SMARCC1: variants seen among roughly 807,000 people sequenced by gnomAD.
SMARCC1 encodes the protein SWI/SNF related BAF chromatin remodeling complex subunit C1.
Under a neutral mutation model 147.4 loss-of-function variants are expected in SMARCC1, and 43 were observed. That is an observed-to-expected ratio of 0.29 (90% CI 0.23 to 0.38). The LOEUF (loss-of-function observed/expected upper bound fraction) is 0.38. Among genes scored for constraint, SMARCC1 ranks in the 10% least tolerant of loss-of-function variants. The pLI is 1.00. For synonymous variants in SMARCC1, 495 were observed against 484.4 expected (o/e 1.02, Z -0.29); for missense variants, 1,119 against 1,381.1 (o/e 0.81, Z 3.01).
At chr3:47,736,795 T>C (rs1415453133) in intron 4 of SMARCC1, among the ~76,000 whole-genome samples, 13 of 152,090 alleles carry the variant, frequency 8.5e-5, no homozygotes, top group Non-Finnish European at 1.9e-4. Flanking sequence ...AAACAAAACA[T>C]ATCCAATTGT....
chr3:47,705,076 C>A (rs2033975261), intron 10 of SMARCC1, among the ~76,000 whole-genome samples: 1 of 151,218 alleles, frequency 6.6e-6, no homozygotes, highest in Non-Finnish European at 1.5e-5. Context: ...GTAATCCCAG[C>A]ACTTTGGGAG....
At chr3:47,655,859 TAGAAA>T (rs1231298671) in intron 21 of SMARCC1, among the ~76,000 whole-genome samples, 2 of 152,058 alleles carry the variant, frequency 1.3e-5, no homozygotes, top group African/African-American at 2.4e-5. Flanking sequence ...TTCATAATGA[TAGAAA>T]AGAAAAATAT....
rs575368954 is a variant in SMARCC1, at chr3:47,733,821, G to C, written c.576+2213C>G. ...AGAGCTTGCAGTGAGCCAAGATCACGCCATGGCACTCCAGCCTGGGCGACA... is the reference window on the plus strand; with the variant it reads ...AGAGCTTGCAGTGAGCCAAGATCACCCCATGGCACTCCAGCCTGGGCGACA... On this transcript the variant is annotated intron_variant, in intron 5 of 27. Transcript: ENST00000254480. 1.1e-4 allele frequency among the ~76,000 whole-genome samples: 16 copies of C among 142,302 alleles called. No individual in the cohort carries two copies. In the South Asian group the frequency reaches 2.4e-3, roughly 22 times the overall value. 93.4% of individuals were successfully genotyped at this position (142,302 alleles called of 152,430 possible).
At chr3:47,691,691 G>A (rs776892346) in intron 12 of SMARCC1, among the ~76,000 whole-genome samples, 93 of 151,422 alleles carry the variant, frequency 6.1e-4, no homozygotes, top group Non-Finnish European at 1.2e-3. Context: ...ATACCCACTC[G>A]TATCTGCCAT....
At chr3:47,775,968 T>G (rs1413265743) in intron 1 of SMARCC1, among the ~76,000 whole-genome samples, 1 of 151,146 alleles carries the variant, frequency 6.6e-6, no homozygotes, top group Non-Finnish European at 1.5e-5. Flanking sequence ...GCCAACATAG[T>G]GAAACCCCGT....
At chr3:47,615,627 AGTTCC>A (rs1255255483) in intron 25 of SMARCC1, among the ~76,000 whole-genome samples, 1 of 152,160 alleles carries the variant, frequency 6.6e-6, no homozygotes, top group African/African-American at 2.4e-5. Flanking sequence ...GGTTTCTCAC[AGTTCC>A]GAGTTCCCTA....
chr3:47,602,119 G>A (rs1479653166), intron 26 of SMARCC1, among the ~76,000 whole-genome samples: 1 of 152,088 alleles, frequency 6.6e-6, no homozygotes, highest in Non-Finnish European at 1.5e-5. Context: ...GTAAGTAGGT[G>A]TGAGGGGCTT....
intron 11 of SMARCC1, among the ~76,000 whole-genome samples, chr3:47,700,388 A>T (rs954117919): frequency 6.6e-6 from 1 of 152,208 alleles, no homozygotes; most frequent in Non-Finnish European, 1.5e-5. Context: ...TGCCTATCAT[A>T]GGTCTTTACT....
intron 21 of SMARCC1, among the ~76,000 whole-genome samples, chr3:47,645,962 T>C (rs1051179342): frequency 6.6e-6 from 1 of 152,212 alleles, no homozygotes; most frequent in Non-Finnish European, 1.5e-5. Flanking sequence ...TTTTGTTTTT[T>C]AAGATGGGGT....
intron 18 of SMARCC1, among the ~76,000 whole-genome samples, 199 bp from the exon 19 acceptor site, chr3:47,670,916 T>A (rs1181349623): frequency 6.6e-6 from 1 of 151,926 alleles, no homozygotes; most frequent in Non-Finnish European, 1.5e-5. Context: ...CCAGGCGTGG[T>A]AGCTCCTGCC....
intron 2 of SMARCC1, among the ~76,000 whole-genome samples, chr3:47,771,600 T>C (rs1420533381): frequency 2.6e-5 from 4 of 151,494 alleles, no homozygotes; most frequent in Non-Finnish European, 5.9e-5. Flanking sequence ...ATTAGCCAGG[T>C]GCGGTGGGTG....
intron 13 of SMARCC1, 39 bp downstream of exon 13, chr3:47,689,348 A>G (rs200172271): frequency 2.6e-6 from 4 of 1,549,376 alleles, no homozygotes; most frequent in Admixed American, 3.3e-5. Flanking sequence ...CAGGACCCTT[A>G]GAGAAGCTCT....
intron 26 of SMARCC1, among the ~76,000 whole-genome samples, chr3:47,609,236 C>T (rs907646282): frequency 2.6e-5 from 4 of 152,166 alleles, no homozygotes; most frequent in African/African-American, 4.8e-5. Context: ...GTGGCTCACG[C>T]CTATAATCCC....
At chr3:47,727,957 C>G (rs2034320161) in intron 6 of SMARCC1, among the ~76,000 whole-genome samples, 1 of 151,374 alleles carries the variant, frequency 6.6e-6, no homozygotes, top group African/African-American at 2.4e-5. Context: ...CGCAAAGGCA[C>G]AATTATCACA....
intron 12 of SMARCC1, among the ~76,000 whole-genome samples, chr3:47,691,860 C>T (rs2033793805): frequency 1.3e-5 from 2 of 151,360 alleles, no homozygotes; most frequent in East Asian, 2.0e-4. Flanking sequence ...ATTAGCTGGG[C>T]GTGGTGGCAC....
At chr3:47,742,425 T>C (rs2034519507) in intron 3 of SMARCC1, among the ~76,000 whole-genome samples, 1 of 152,188 alleles carries the variant, frequency 6.6e-6, no homozygotes, top group Non-Finnish European at 1.5e-5. Context: ...CGTTTGGATT[T>C]CCATGAATAG....
chr3:47,753,744 T>C (rs1576431639), intron 2 of SMARCC1, among the ~76,000 whole-genome samples: 1 of 141,900 alleles, frequency 7.0e-6, no homozygotes, highest in South Asian at 2.2e-4. Context: ...GACAAAGTAG[T>C]GCTAACAATT....
intron 1 of SMARCC1, among the ~76,000 whole-genome samples, chr3:47,779,939 A>G (rs1450931272): frequency 1.3e-5 from 2 of 152,186 alleles, no homozygotes; most frequent in Non-Finnish European, 2.9e-5. Context: ...TGGAAGCTCT[A>G]TTACTTACAT....
chr3:47,649,123 C>G (rs966222074), intron 21 of SMARCC1, among the ~76,000 whole-genome samples: 2 of 152,104 alleles, frequency 1.3e-5, no homozygotes, highest in African/African-American at 2.4e-5. Context: ...TTGAAAGAGC[C>G]CTTTAAATAT....
Sources: gnomAD v4.1 joint callset for allele counts (sites outside exome capture counted in the v4.1 genomes callset) on GRCh38, gnomAD v4.1.1 for gene constraint, MANE v1.5 for transcripts, NCBI Gene and HGNC (gene_info 2026-07-23, HGNC 2026-07-21) for gene names.